RABGEF1: variants seen among roughly 807,000 people sequenced by gnomAD.
RABGEF1 encodes RAB guanine nucleotide exchange factor 1, also known as rab5 GDP/GTP exchange factor.
In RABGEF1, 26 loss-of-function variants were observed where a neutral mutation model predicts 57.3. The ratio of observed to expected loss-of-function variants is 0.45; its 90% CI spans 0.33 to 0.63. The LOEUF (loss-of-function observed/expected upper bound fraction) is 0.63. Among genes scored for constraint, RABGEF1 ranks in the 20% least tolerant of loss-of-function variants. RABGEF1 has a pLI of 0.02. For synonymous variants in RABGEF1, 185 were observed against 210.7 expected, an observed-to-expected ratio of 0.88 and a Z score of 1.06; for missense variants, 464 against 607.6, an observed-to-expected ratio of 0.76 and a Z score of 2.48.
At chr7:66,664,441 T>C in the RABGEF1 span, among the ~76,000 whole-genome samples, 6 of 151,396 alleles carry the variant, frequency 4.0e-5, no homozygotes, top group African/African-American at 1.5e-4. Flanking sequence ...TTTTTTTTTT[T>C]AATTAGTCAA....
intron 2 of RABGEF1, among the ~76,000 whole-genome samples, chr7:66,717,026 G>A (rs566447013): frequency 1.3e-5 from 2 of 152,314 alleles, no homozygotes; most frequent in Admixed American, 6.5e-5. Flanking sequence ...TGATCCGCCC[G>A]CCTCAGCCTC....
At chr7:66,698,083 T>C (rs1792621235) in intron 1 of RABGEF1, among the ~76,000 whole-genome samples, 1 of 150,330 alleles carries the variant, frequency 6.7e-6, no homozygotes, top group Non-Finnish European at 1.5e-5. Flanking sequence ...CTCCCCAAAT[T>C]CCCCATCACA....
At chr7:66,729,346 C>T (rs1797033983) in intron 2 of RABGEF1, among the ~76,000 whole-genome samples, 1 of 152,096 alleles carries the variant, frequency 6.6e-6, no homozygotes, top group African/African-American at 2.4e-5. Flanking sequence ...TCTGTTCTCC[C>T]TTCCTCACTT....
chr7:66,658,083 A>G, the RABGEF1 span, among the ~76,000 whole-genome samples: 3 of 152,300 alleles, frequency 2.0e-5, no homozygotes, highest in African/African-American at 7.2e-5. Context: ...AAAATCAGAA[A>G]TGAAAATGAG....
chr7:66,668,547 A>C, the RABGEF1 span, among the ~76,000 whole-genome samples: 1 of 151,954 alleles, frequency 6.6e-6, no homozygotes, highest in Non-Finnish European at 1.5e-5. Flanking sequence ...CCCTCTGGAG[A>C]GGGGGGGATT....
At chr7:66,729,509 A>T (rs62466797) in intron 2 of RABGEF1, among the ~76,000 whole-genome samples, 176 of 15,506 alleles carry the variant, frequency 0.011, 1 homozygote, top group African/African-American at 0.06. Context: ...CTCACCTTCA[A>T]CCTCACCTTT....
chr7:66,679,495 G>C (rs899880626), upstream of RABGEF1, among the ~76,000 whole-genome samples: 2 of 152,114 alleles, frequency 1.3e-5, no homozygotes, highest in African/African-American at 4.8e-5. Context: ...TTTTAGTAGA[G>C]GTGGGGTTTC....
the RABGEF1 span, among the ~76,000 whole-genome samples, chr7:66,677,129 T>A: frequency 6.6e-6 from 1 of 152,216 alleles, no homozygotes; most frequent in Non-Finnish European, 1.5e-5. Flanking sequence ...CTAACTTCAT[T>A]CTTTTACATT....
chr7:66,711,405 A>ATTTTTT (rs202115107), intron 1 of RABGEF1, among the ~76,000 whole-genome samples: 2 of 138,234 alleles, frequency 1.4e-5, no homozygotes. Flanking sequence ...TTTTGTGCTA[A>ATTTTTT]TTTTTTTTTT....
At chr7:66,656,453 T>C in the RABGEF1 span, among the ~76,000 whole-genome samples, 7 of 151,994 alleles carry the variant, frequency 4.6e-5, no homozygotes, top group Non-Finnish European at 8.8e-5. Context: ...AGGACAGAGA[T>C]CTAGAAGCTT....
chr7:66,745,205 A>G (rs998801295), intron 1 of RABGEF1, among the ~76,000 whole-genome samples: 7 of 151,908 alleles, frequency 4.6e-5, no homozygotes. Context: ...AAAAAAAAAA[A>G]TGATATCAGT....
chr7:66,790,831 TA>T, intron 4 of RABGEF1, among the ~76,000 whole-genome samples: 1 of 152,328 alleles, frequency 6.6e-6, no homozygotes, highest in Middle Eastern at 3.4e-3. Flanking sequence ...ACTTACTTAG[TA>T]AAAAAGGCCA....
At chr7:66,722,311 G>A (rs536611364) in intron 2 of RABGEF1, among the ~76,000 whole-genome samples, 12 of 152,158 alleles carry the variant, frequency 7.9e-5, no homozygotes, top group South Asian at 2.1e-4. Flanking sequence ...GTGGTGGTGC[G>A]CGCCTGTAAT....
chr7:66,748,585 TAACTC>T (rs1800753476), intron 1 of RABGEF1, among the ~76,000 whole-genome samples: 3 of 152,252 alleles, frequency 2.0e-5, no homozygotes, highest in South Asian at 4.1e-4. Context: ...TTATTCTAAT[TAACTC>T]AACAAAGAAT....
intron 1 of RABGEF1, among the ~76,000 whole-genome samples, chr7:66,694,314 A>G (rs574205387): frequency 1.9e-4 from 29 of 152,192 alleles, no homozygotes; most frequent in Non-Finnish European, 2.8e-4. Context: ...TGACTTGGCA[A>G]GGTGGTTTGT....
At chr7:66,666,800 G>A in the RABGEF1 span, among the ~76,000 whole-genome samples, 1 of 152,238 alleles carries the variant, frequency 6.6e-6, no homozygotes, top group Non-Finnish European at 1.5e-5. Context: ...TCCGGCCCTG[G>A]AGATGGTCCC....
At chr7:66,745,837 A>G (rs567168267) in intron 1 of RABGEF1, among the ~76,000 whole-genome samples, 21 of 151,630 alleles carry the variant, frequency 1.4e-4, no homozygotes, top group South Asian at 2.1e-4. Flanking sequence ...GCTCATGCCT[A>G]TAATACCAGT....
At chr7:66,712,246 G>C (rs1336455570) in intron 2 of RABGEF1, 1 of 152,012 alleles carries the variant, frequency 6.6e-6, no homozygotes, top group African/African-American at 2.4e-5. Flanking sequence ...CATTTATTTA[G>C]GTCTTTCTAG....
At chr7:66,713,426 C>T (rs1795011089) in intron 2 of RABGEF1, among the ~76,000 whole-genome samples, 1 of 152,314 alleles carries the variant, frequency 6.6e-6, no homozygotes, top group Admixed American at 6.5e-5. Context: ...CTGCGTCTAG[C>T]CCAACCTGTG....
Sources: gnomAD v4.1 joint callset for allele counts (sites outside exome capture counted in the v4.1 genomes callset) on GRCh38, gnomAD v4.1.1 for gene constraint, MANE v1.5 for transcripts, NCBI Gene and HGNC (gene_info 2026-07-23, HGNC 2026-07-21) for gene names.